Variants in PCDH11X observed in about 807,000 individuals in gnomAD.
PCDH11X encodes the protein protocadherin-11 X-linked.
In PCDH11X, 18 loss-of-function variants were observed where a neutral mutation model predicts 53.3. The ratio of observed to expected loss-of-function variants is 0.34; its 90% CI spans 0.23 to 0.50. The LOEUF (loss-of-function observed/expected upper bound fraction) is 0.50, where lower values mean the gene tolerates loss of function less well. Among genes scored for constraint, PCDH11X ranks in the 20% least tolerant of loss-of-function variants. PCDH11X has a pLI of 0.98. For missense variants in PCDH11X, 570 were observed against 1,032.4 expected, an observed-to-expected ratio of 0.55 and a Z score of 6.14; for synonymous variants, 279 against 393.3, an observed-to-expected ratio of 0.71 and a Z score of 3.44.
chrX:92,186,401 G>A (rs1459388706), intron 6 of PCDH11X, among the ~76,000 whole-genome samples: 1 of 111,474 alleles, frequency 9.0e-6, no homozygotes, highest in Non-Finnish European at 1.9e-5. Context: ...AGGCCAAGGC[G>A]GGTGCATCAC....
chrX:92,309,178 T>A (rs1391211869), intron 8 of PCDH11X, among the ~76,000 whole-genome samples: 1 of 112,272 alleles, frequency 8.9e-6, no homozygotes, highest in Non-Finnish European at 1.9e-5. Context: ...CTTGAACAGA[T>A]ATTTGTATAT....
At chrX:92,150,705 C>T (rs1185094561) in intron 6 of PCDH11X, among the ~76,000 whole-genome samples, 1 of 111,132 alleles carries the variant, frequency 9.0e-6, no homozygotes, top group African/African-American at 3.3e-5. Context: ...TTAGATATTA[C>T]TTAATTTCCC....
chrX:91,832,124 C>T (rs1414246777), intron 4 of PCDH11X, among the ~76,000 whole-genome samples: 1 of 103,639 alleles, frequency 9.6e-6, no homozygotes, highest in East Asian at 3.2e-4. Context: ...ACCATTTGAC[C>T]CAGCCATCCC....
At chrX:91,942,292 C>A (rs2061520802) in intron 6 of PCDH11X, among the ~76,000 whole-genome samples, 1 of 110,323 alleles carries the variant, frequency 9.1e-6, no homozygotes, top group South Asian at 3.8e-4. Flanking sequence ...TGAAAAAAAT[C>A]AGTAAAATTA....
At chrX:92,527,403 G>A (rs944610523) in intron 10 of PCDH11X, among the ~76,000 whole-genome samples, 9 of 110,166 alleles carry the variant, frequency 8.2e-5, no homozygotes, top group African/African-American at 2.6e-4. Flanking sequence ...CACCTGGTAT[G>A]TACCCACAAA....
At chrX:91,781,566 C>T (rs370231902) in intron 1 of PCDH11X, among the ~76,000 whole-genome samples, 5 of 112,710 alleles carry the variant, frequency 4.4e-5, no homozygotes, top group Non-Finnish European at 7.5e-5. Context: ...TGACGGAATT[C>T]CACTTTTAAT....
chrX:91,919,952 A>G (rs1941692247), intron 6 of PCDH11X, among the ~76,000 whole-genome samples: 1 of 111,243 alleles, frequency 9.0e-6, no homozygotes, highest in Admixed American at 9.6e-5. Flanking sequence ...CTTGTTGAAA[A>G]TTTGCTTGGT....
At chrX:92,467,637 G>T (rs1009603855) in intron 9 of PCDH11X, among the ~76,000 whole-genome samples, 1 of 110,843 alleles carries the variant, frequency 9.0e-6, no homozygotes, top group Non-Finnish European at 1.9e-5. Flanking sequence ...TTTGAAGAAA[G>T]TCAATAATGC....
intron 6 of PCDH11X, among the ~76,000 whole-genome samples, chrX:91,932,671 A>AGTGTGT (rs67334455): frequency 0.094 from 8,903 of 94,309 alleles, 414 homozygotes; most frequent in East Asian, 0.2. Context: ...GCATTGTGTG[A>AGTGTGT]GTGTGTGTGT....
chrX:91,850,320 G>A (rs1937934465), intron 5 of PCDH11X, among the ~76,000 whole-genome samples: 1 of 109,366 alleles, frequency 9.1e-6, no homozygotes, highest in East Asian at 2.9e-4. Flanking sequence ...TGTTTATTTT[G>A]GCATTGCTAC....
At chrX:91,893,262 GTTATACTCAAAAAGTA>G (rs923622882) in intron 6 of PCDH11X, among the ~76,000 whole-genome samples, 4 of 109,985 alleles carry the variant, frequency 3.6e-5, no homozygotes, top group Non-Finnish European at 7.6e-5. Flanking sequence ...TTGTCCATGA[GTTATACTCAAAAAGTA>G]TCAAAGGAAA....
chrX:91,884,090 C>CTGAGGCAGG (rs2147747413), intron 6 of PCDH11X: 1 of 106,668 alleles, frequency 9.4e-6, no homozygotes, highest in African/African-American at 3.9e-5. Context: ...ACTCGGGAGG[C>CTGAGGCAGG]TGAGGCAGGA....
intron 8 of PCDH11X, among the ~76,000 whole-genome samples, chrX:92,307,228 C>G (rs1452740926): frequency 9.2e-6 from 1 of 108,660 alleles, no homozygotes; most frequent in African/African-American, 3.3e-5. Flanking sequence ...CATTAGCAAA[C>G]CAAATTCAGC....
At chrX:91,976,395 G>A (rs2062047493) in intron 6 of PCDH11X, among the ~76,000 whole-genome samples, 1 of 112,171 alleles carries the variant, frequency 8.9e-6, no homozygotes, top group Non-Finnish European at 1.9e-5. Context: ...TTCTAGCTCA[G>A]GATAATTGAA....
At chrX:92,436,236 T>C (rs1395329263) in intron 9 of PCDH11X, among the ~76,000 whole-genome samples, 17 of 107,708 alleles carry the variant, frequency 1.6e-4, no homozygotes, top group East Asian at 2.9e-4. Context: ...CTCAATATCA[T>C]TAATCATTAG....
chrX:92,570,420 G>T (rs1922065422), intron 10 of PCDH11X, among the ~76,000 whole-genome samples: 1 of 111,912 alleles, frequency 8.9e-6, no homozygotes, highest in Admixed American at 9.5e-5. Flanking sequence ...TTGAGCAACA[G>T]TTTGTAACCC....
intron 4 of PCDH11X, among the ~76,000 whole-genome samples, chrX:91,827,321 G>A (rs1455860631): frequency 9.1e-6 from 1 of 110,279 alleles, no homozygotes; most frequent in Non-Finnish European, 1.9e-5. Context: ...TTTTTTTCTT[G>A]TAAACTTAAG....
At chrX:92,481,817 A>G (rs895755407) in intron 10 of PCDH11X, among the ~76,000 whole-genome samples, 6 of 107,702 alleles carry the variant, frequency 5.6e-5, no homozygotes, top group Admixed American at 4.0e-4. Context: ...CTCTCTGCCA[A>G]CGCAAGTGTC....
intron 8 of PCDH11X, among the ~76,000 whole-genome samples, chrX:92,322,565 C>T (rs2069240353): frequency 9.0e-6 from 1 of 111,414 alleles, no homozygotes; most frequent in East Asian, 2.8e-4. Context: ...CATGTTTCTA[C>T]TCATCTCAGT....
Sources: gnomAD v4.1 joint callset for allele counts (sites outside exome capture counted in the v4.1 genomes callset) on GRCh38, gnomAD v4.1.1 for gene constraint, MANE v1.5 for transcripts, NCBI Gene and HGNC (gene_info 2026-07-23, HGNC 2026-07-21) for gene names.